NBEA: variants seen among roughly 807,000 people sequenced by gnomAD.
The protein encoded by NBEA is neurobeachin, also known as lysosomal-trafficking regulator 2.
NBEA carries 44 observed loss-of-function variants against 343.4 expected under a neutral mutation model. That is an observed-to-expected ratio of 0.13 (90% CI 0.10 to 0.16). The LOEUF is 0.16. NBEA is among the 10% of genes least tolerant of loss of function. NBEA has a pLI of 1.00. For synonymous variants in NBEA, 1,175 were observed against 1,238.7 expected (o/e 0.95, Z 1.08); for missense variants, 2,555 against 3,631.3 (o/e 0.70, Z 7.62).
At chr13:35,454,276 C>G (rs573136976) in intron 40 of NBEA, among the ~76,000 whole-genome samples, 1 of 152,124 alleles carries the variant, frequency 6.6e-6, no homozygotes. Context: ...GCCTATTAAT[C>G]TAGACTAACA....
chr13:35,371,001 A>G (rs1053372764), intron 38 of NBEA, among the ~76,000 whole-genome samples: 1 of 151,880 alleles, frequency 6.6e-6, no homozygotes, highest in South Asian at 2.1e-4. Flanking sequence ...TGGGGTTTCC[A>G]TATAAGTAGT....
At chr13:35,390,781 C>CTT (rs1191321560) in intron 38 of NBEA, among the ~76,000 whole-genome samples, 2 of 152,076 alleles carry the variant, frequency 1.3e-5, no homozygotes, top group Non-Finnish European at 2.9e-5. Context: ...GGAAACATCA[C>CTT]TTTTTAAATC....
chr13:35,235,667 C>A (rs911588619), intron 34 of NBEA, among the ~76,000 whole-genome samples: 3 of 152,172 alleles, frequency 2.0e-5, no homozygotes, highest in South Asian at 2.1e-4. Flanking sequence ...AAATCAGGAA[C>A]CCCTGTGTGT....
At chr13:35,305,634 A>G (rs1055428639) in intron 35 of NBEA, among the ~76,000 whole-genome samples, 1 of 152,108 alleles carries the variant, frequency 6.6e-6, no homozygotes, top group Non-Finnish European at 1.5e-5. Context: ...GTTCCAGACA[A>G]TTGCAACATA....
At position 35,159,658 on chromosome 13, in the gene NBEA, T is replaced by C. The variant is rs372429433; in HGVS notation, c.3487T>C (p.Ser1163Pro). 14 of 1,611,462 alleles carry C rather than the reference T, an allele frequency of 8.7e-6. No homozygotes were observed. The highest frequency in any genetic ancestry group is 2.7e-5 in the African/African-American group (2 of 74,900). The change falls in exon 22 of 59, where the codon TCT becomes CCT. Residue 1163 changes from serine (S) to proline (P), a missense_variant. By Grantham distance (74) the Ser-to-Pro change is moderately conservative (BLOSUM62 -1). Coordinates refer to ENST00000379939, the MANE Select transcript of NBEA (RefSeq NM_001385012.1). Reference sequence around the variant, plus strand: ...GGAGGAAAAACTACTTCCTGAACTTTCTAGCAATCACATTATTCCAAATAT... The same window carrying C: ...GGAGGAAAAACTACTTCCTGAACTTCCTAGCAATCACATTATTCCAAATAT... ...KQEEKLLPEL[S>P]SNHIIPNIQD...
intron 11 of NBEA, among the ~76,000 whole-genome samples, chr13:35,108,961 C>T (rs146286055): frequency 6.6e-6 from 1 of 152,196 alleles, no homozygotes; most frequent in East Asian, 1.9e-4. Flanking sequence ...TGTCTAAGAT[C>T]TCTTCTTGTA....
intron 1 of NBEA, among the ~76,000 whole-genome samples, chr13:34,999,232 G>A (rs140124923): frequency 6.6e-5 from 10 of 152,162 alleles, no homozygotes; most frequent in African/African-American, 2.2e-4. Context: ...TATAATATGG[G>A]GAATATATGT....
intron 13 of NBEA, 96 bp from the exon 14 acceptor site, chr13:35,117,318 A>G (rs182256081): frequency 8.9e-6 from 4 of 451,116 alleles, no homozygotes; most frequent in African/African-American, 8.3e-5. Context: ...AATAAAGATA[A>G]TTATTCAAGA....
At chr13:34,956,039 A>G (rs565586600) in intron 1 of NBEA, among the ~76,000 whole-genome samples, 113 of 152,296 alleles carry the variant, frequency 7.4e-4, no homozygotes, top group Non-Finnish European at 4.4e-4. Flanking sequence ...CTGTTGAAAG[A>G]TATATTGTTA....
chr13:35,352,107 T>A (rs574826011), intron 37 of NBEA, 50 bp from the exon 38 acceptor site: 43 of 1,152,992 alleles, frequency 3.7e-5, no homozygotes, highest in Non-Finnish European at 4.7e-5. Flanking sequence ...CATCCTTACT[T>A]ATATGCAGTA....
intron 13 of NBEA, among the ~76,000 whole-genome samples, chr13:35,111,988 C>T (rs2066237333): frequency 6.9e-6 from 1 of 145,816 alleles, no homozygotes; most frequent in African/African-American, 2.6e-5. Context: ...GCTATCTCAG[C>T]TCACTGCAAG....
intron 30 of NBEA, among the ~76,000 whole-genome samples, chr13:35,188,248 CA>C (rs1190729492): frequency 6.8e-6 from 1 of 146,852 alleles, no homozygotes; most frequent in Non-Finnish European, 1.5e-5. Context: ...CCTCACGTAT[CA>C]TTTTTTTTTT....
chr13:35,237,404 T>TTTCTCATTCTTTCTC, intron 34 of NBEA, among the ~76,000 whole-genome samples: 1 of 152,332 alleles, frequency 6.6e-6, no homozygotes, highest in Admixed American at 6.5e-5. Flanking sequence ...TATGTCCTTT[T>TTTCTCATTCTTTCTC]ATTTTCTCAT....
At chr13:35,059,619 T>C (rs1212843386) in intron 8 of NBEA, among the ~76,000 whole-genome samples, 1 of 151,726 alleles carries the variant, frequency 6.6e-6, no homozygotes, top group Non-Finnish European at 1.5e-5. Context: ...GGAAGTGTGG[T>C]TTTTTATTGA....
intron 38 of NBEA, among the ~76,000 whole-genome samples, chr13:35,402,339 G>A (rs529223047): frequency 1.4e-4 from 22 of 151,998 alleles, no homozygotes; most frequent in African/African-American, 5.3e-4. Context: ...TTTCTGTATT[G>A]TGAATGCCAT....
At chr13:35,208,021 A>T (rs1255535600) in intron 31 of NBEA, among the ~76,000 whole-genome samples, 2 of 152,078 alleles carry the variant, frequency 1.3e-5, no homozygotes, top group African/African-American at 4.8e-5. Flanking sequence ...GGAGTTTGAG[A>T]CCAGCCTGAC....
intron 25 of NBEA, among the ~76,000 whole-genome samples, chr13:35,170,364 A>T (rs975975169): frequency 4.6e-5 from 7 of 151,752 alleles, no homozygotes; most frequent in African/African-American, 1.7e-4. Context: ...ATTTTCAGAA[A>T]ATTTAAATAA....
intron 51 of NBEA, among the ~76,000 whole-genome samples, chr13:35,648,541 C>G (rs993894221): frequency 6.6e-6 from 1 of 152,060 alleles, no homozygotes; most frequent in Non-Finnish European, 1.5e-5. Flanking sequence ...GAATTCATTA[C>G]TTTCCTAGAG....
At chr13:35,202,105 T>C (rs1373674946) in intron 31 of NBEA, among the ~76,000 whole-genome samples, 1 of 152,146 alleles carries the variant, frequency 6.6e-6, no homozygotes, top group Admixed American at 6.6e-5. Context: ...TTTTTTCATG[T>C]CTCTTTGCCT....
Sources: gnomAD v4.1 joint callset for allele counts (sites outside exome capture counted in the v4.1 genomes callset) on GRCh38, gnomAD v4.1.1 for gene constraint, MANE v1.5 for transcripts, NCBI Gene and HGNC (gene_info 2026-07-23, HGNC 2026-07-21) for gene names.